The following PSAP variants were observed in gnomAD, a reference collection of about 807,000 sequenced individuals.
PSAP encodes the protein prosaposin.
Under a neutral mutation model 66.0 loss-of-function variants are expected in PSAP, and 25 were observed. The ratio of observed to expected loss-of-function variants is 0.38; its 90% CI spans 0.28 to 0.53. The LOEUF is 0.53. Ranked by LOEUF, PSAP falls within the 20% of genes least tolerant of loss-of-function variation. PSAP has a pLI of 0.83. For missense variants in PSAP, 649 were observed against 668.8 expected, an observed-to-expected ratio of 0.97 and a Z score of 0.33; for synonymous variants, 273 against 258.9, an observed-to-expected ratio of 1.05 and a Z score of -0.52.
At chr10:71,833,499 G>A (rs924647921) in intron 2 of PSAP, among the ~76,000 whole-genome samples, 1 of 152,172 alleles carries the variant, frequency 6.6e-6, no homozygotes, top group African/African-American at 2.4e-5. Context: ...CAGTTTTCCA[G>A]TGAATAATTC....
In PSAP at chr10:71,828,054, T is replaced by C. The variant is rs755980957; in HGVS notation, c.680A>G (p.Lys227Arg). The C allele has an allele frequency of 6.2e-7, 1 of 1,614,196 alleles. No homozygotes were observed. Among genetic ancestry groups the C allele is most frequent in the East Asian group, 2.2e-5 (1 of 44,886 alleles). The change falls in exon 6 of 14, where the codon AAG becomes AGG. Residue 227 changes from lysine to arginine, a missense_variant. Coordinates refer to ENST00000394936, the MANE Select transcript of PSAP (RefSeq NM_002778.4). ...TFVQALVEHV[K>R]EECDRLGPGM... ...AGGGCCCAGGCGGTCACACTCCTCCTTGACATGTTCCACCAAGGCCTGGAC... is the reference window on the plus strand; with the variant it reads ...AGGGCCCAGGCGGTCACACTCCTCCCTGACATGTTCCACCAAGGCCTGGAC...
rs1197169787 is a variant in PSAP, at chr10:71,819,783, C to G, written c.1123G>C (p.Glu375Gln). Residue 375 changes from glutamate to glutamine, a missense_variant, in exon 10 of 14, where the codon GAG (glutamate) becomes CAG (glutamine). Transcript: ENST00000394936. ...GSSILSILLE[E>Q]VSPELVCSML... is the part of the protein sequence containing the mutation. ...CTGCACACCAGCTCAGGGCTGACCT[C>G]CTCCAGCAGGATGGACAGGATGGAG... 1.2e-6 allele frequency: 2 copies of G among 1,613,950 alleles called. No homozygotes were observed. Among genetic ancestry groups the G allele is most frequent in the African/African-American group, 2.7e-5 (2 of 74,938 alleles).
At chr10:71,823,432 T>C (rs2133037313) in intron 7 of PSAP, among the ~76,000 whole-genome samples, 1 of 152,358 alleles carries the variant, frequency 6.6e-6, no homozygotes, top group South Asian at 2.1e-4. Flanking sequence ...GAAGCATTTC[T>C]GTGTTTATGA....
At chr10:71,837,249 T>C (rs547121153) in intron 1 of PSAP, among the ~76,000 whole-genome samples, 18 of 152,340 alleles carry the variant, frequency 1.2e-4, no homozygotes, top group African/African-American at 3.8e-4. Context: ...ATGCAACGGA[T>C]TCCATCTCCC....
At chr10:71,844,560 G>A (rs1282132599) in intron 1 of PSAP, among the ~76,000 whole-genome samples, 1 of 152,138 alleles carries the variant, frequency 6.6e-6, no homozygotes, top group Non-Finnish European at 1.5e-5. Context: ...CAGCTACTCG[G>A]GAGGCTGAGA....
chr10:71,830,878 G>A (rs935116791), intron 4 of PSAP, among the ~76,000 whole-genome samples: 9 of 152,156 alleles, frequency 5.9e-5, no homozygotes, highest in Non-Finnish European at 2.9e-5. Flanking sequence ...AGGTTATGCC[G>A]GTTTACATTC....
chr10:71,836,015 T>A (rs1842620469), intron 1 of PSAP, among the ~76,000 whole-genome samples: 1 of 152,124 alleles, frequency 6.6e-6, no homozygotes, highest in Non-Finnish European at 1.5e-5. Flanking sequence ...TTTCTTTCAT[T>A]ACTACCTCCA....
Position 71,828,913 on chromosome 10 carries a change from G to A in PSAP, c.540C>T (p.Tyr180=). The A allele has an allele frequency of 6.2e-7, 1 of 1,614,138 alleles. No individual in the cohort carries two copies. The highest frequency in any genetic ancestry group is 8.5e-7 in the Non-Finnish European group (1 of 1,180,020). The change falls in exon 5 of 14, where the codon TAC becomes TAT. Residue 180 remains tyrosine, a synonymous_variant. Coordinates refer to ENST00000394936, the MANE Select transcript of PSAP (RefSeq NM_002778.4). The part of the protein sequence containing the change: ...PFMANIPLLL[Y]PQDGPRSKPQ... ...GCTTGCTGCGGGGGCCGTCCTGAGG[G>A]TAGAGGAGGAGAGGGATGTTGGCCA...
intron 1 of PSAP, among the ~76,000 whole-genome samples, chr10:71,850,965 G>C (rs915148072): frequency 1.3e-5 from 2 of 152,248 alleles, no homozygotes; most frequent in African/African-American, 4.8e-5. Context: ...CCAGGGCCTG[G>C]GCCGTCCTCC....
At chr10:71,841,905 C>T (rs1262110807) in intron 1 of PSAP, among the ~76,000 whole-genome samples, 3 of 151,760 alleles carry the variant, frequency 2.0e-5, no homozygotes, top group Non-Finnish European at 4.4e-5. Flanking sequence ...ACTCAAGAGG[C>T]TGAGGCAGGA....
intron 1 of PSAP, among the ~76,000 whole-genome samples, chr10:71,846,924 T>G (rs1371350804): frequency 6.6e-6 from 1 of 152,142 alleles, no homozygotes; most frequent in Non-Finnish European, 1.5e-5. Context: ...AAAGCTGCCA[T>G]GCACACCTGT....
chr10:71,841,071 C>CCTTT (rs1295575872), intron 1 of PSAP, among the ~76,000 whole-genome samples: 1 of 152,160 alleles, frequency 6.6e-6, no homozygotes, highest in Non-Finnish European at 1.5e-5. Context: ...AAAAACTAGC[C>CCTTT]CTTGGCAGGA....
At chr10:71,829,587 TA>T (rs1842471198) in intron 4 of PSAP, among the ~76,000 whole-genome samples, 1 of 152,130 alleles carries the variant, frequency 6.6e-6, no homozygotes, top group African/African-American at 2.4e-5. Context: ...GTGAGTCCAT[TA>T]AACCTTTTTT....
At chr10:71,820,731 C>T (rs1842286403) in intron 8 of PSAP, among the ~76,000 whole-genome samples, 1 of 152,172 alleles carries the variant, frequency 6.6e-6, no homozygotes, top group Non-Finnish European at 1.5e-5. Context: ...TATCGGTCCA[C>T]TATCTAGAAG....
chr10:71,817,194 A>G lies in PSAP; in HGVS notation c.*247T>C, dbSNP rs753558713. The G allele has an allele frequency of 1.7e-6, 1 of 587,190 alleles. No individual in the cohort carries two copies. The highest frequency in any genetic ancestry group is 2.9e-5 in the East Asian group (1 of 34,164). 36.4% of individuals were successfully genotyped at this position (587,190 alleles called of 1,614,324 possible). A position where few individuals can be genotyped will look rare whatever the true frequency, so the allele number is the denominator to read the frequency against. On this transcript the variant is annotated 3_prime_UTR_variant, in exon 14 of 14. Transcript: ENST00000394936. ...AGCAGGCGCCATGCAAGGGCAGGCT[A>G]AAAGACCTCCAGTGCATCAACATCC... is the stretch of plus-strand genomic sequence containing the variant.
At chr10:71,827,542 C>A (rs570660526) in intron 6 of PSAP, among the ~76,000 whole-genome samples, 3 of 151,928 alleles carry the variant, frequency 2.0e-5, no homozygotes, top group Admixed American at 2.0e-4. Flanking sequence ...GCCTGACAAA[C>A]ACGGTGAAAC....
chr10:71,849,140 A>C (rs958682555), intron 1 of PSAP, among the ~76,000 whole-genome samples: 1 of 152,220 alleles, frequency 6.6e-6, no homozygotes, highest in African/African-American at 2.4e-5. Flanking sequence ...AATCAGTATA[A>C]AAAATTTAGA....
At chr10:71,834,323 G>A in intron 2 of PSAP, 49 bp downstream of exon 2, 1 of 1,610,868 alleles carries the variant, frequency 6.2e-7, no homozygotes, top group Non-Finnish European at 8.5e-7. Context: ...TGTTCTAAGG[G>A]GACCCAAGAG....
At chr10:71,831,728 G>C in intron 3 of PSAP, 118 bp downstream of exon 3, 1 of 992,312 alleles carries the variant, frequency 1.0e-6, no homozygotes, top group South Asian at 1.3e-5. Context: ...CTTTGTGGAA[G>C]ACATTTGCCA....
Sources: gnomAD v4.1 joint callset for allele counts (sites outside exome capture counted in the v4.1 genomes callset) on GRCh38, gnomAD v4.1.1 for gene constraint, MANE v1.5 for transcripts, NCBI Gene and HGNC (gene_info 2026-07-23, HGNC 2026-07-21) for gene names.